Variants in HADHA observed in about 807,000 individuals in gnomAD.
HADHA encodes the protein trifunctional enzyme subunit alpha, mitochondrial.
A neutral mutation model predicts 91.3 loss-of-function variants in HADHA; 59 were observed. That is an observed-to-expected ratio of 0.65 (90% CI 0.52 to 0.80). The LOEUF (loss-of-function observed/expected upper bound fraction) is 0.80, where lower values mean the gene tolerates loss of function less well. HADHA is among the 30% of genes least tolerant of loss of function. HADHA has a pLI of 0.00. For missense variants in HADHA, 800 were observed against 927.6 expected (o/e 0.86, Z 1.79); for synonymous variants, 320 against 338.9 (o/e 0.94, Z 0.61).
At position 26,239,014 on chromosome 2, in the gene HADHA, A is replaced by C. The variant is rs372046774; in HGVS notation, c.110-10T>G. ...TTAATATGGGTTCTGGCTAAAAAGA[A>C]AAGAAAGATTTATTTGTAAACATAT... On this transcript the variant is annotated splice_polypyrimidine_tract_variant and intron_variant, in intron 2 of 19. Transcript: ENST00000380649. The C allele has an allele frequency of 6.9e-6, 11 of 1,600,318 alleles. No homozygotes were observed. The African/African-American group carries it at 1.5e-4, about 21-fold the overall frequency.
Position 26,240,956 on chromosome 2 carries a change from G to A in HADHA, c.68-1813C>T, listed in dbSNP as rs188312597. 1.1e-3 allele frequency among the ~76,000 whole-genome samples: 173 copies of A among 152,278 alleles called. 1 individual carries two copies. The highest frequency in any genetic ancestry group is 3.9e-3 in the African/African-American group (163 of 41,552). On this transcript the variant is annotated intron_variant, in intron 1 of 19. Coordinates refer to ENST00000380649, the MANE Select transcript of HADHA (RefSeq NM_000182.5). Reference sequence around the variant, plus strand: ...ACCAGTATATACATGAACATACTTCGAAAATAATTCCAAACCAGAGTCAAC... The same window carrying A: ...ACCAGTATATACATGAACATACTTCAAAAATAATTCCAAACCAGAGTCAAC...
rs543680661 is a variant in HADHA at position 26,195,197 on chromosome 2, C to T, written c.1515G>A (p.Lys505=). Reference sequence around the variant, plus strand: ...TCGTGATAATCTCCAGCAGCTGCATCTTGTCCACGGGAGAGAAGTAGTGCA... The same window carrying T: ...TCGTGATAATCTCCAGCAGCTGCATTTTGTCCACGGGAGAGAAGTAGTGCA... ...IGMHYFSPVD[K]MQLLEIITTE... Residue 505 remains lysine, a synonymous_variant, in exon 15 of 20, where the codon AAG becomes AAA. Transcript: ENST00000380649. 1.2e-5 allele frequency: 20 copies of T among 1,612,782 alleles called. No individual in the cohort carries two copies. In the African/African-American group the frequency reaches 1.5e-4, roughly 12 times the overall value.
chr2:26,204,493 A>G (rs1291367718), intron 11 of HADHA, among the ~76,000 whole-genome samples: 6 of 152,346 alleles, frequency 3.9e-5, no homozygotes, highest in East Asian at 3.9e-4. Flanking sequence ...TTAAGTCAAC[A>G]TGAGTATTTT....
Position 26,191,459 on chromosome 2 carries a change from T to G in HADHA, c.2146+24A>C, listed in dbSNP as rs368736585. 1.9e-6 allele frequency: 3 copies of G among 1,614,130 alleles called. No individual in the cohort carries two copies. The South Asian group carries it at 3.3e-5, about 18-fold the overall frequency. On this transcript the variant is annotated intron_variant, in intron 19 of 19. Coordinates refer to ENST00000380649, the MANE Select transcript of HADHA (RefSeq NM_000182.5). ...CACGGGCTCCAGGCTAAAGTGAGCT[T>G]CCTTCCCAACCTGCGAGACCAACCT... is the stretch of plus-strand genomic sequence containing the variant.
chr2:26,220,795 G>A (rs1466780655), intron 7 of HADHA, among the ~76,000 whole-genome samples: 2 of 152,156 alleles, frequency 1.3e-5, no homozygotes, highest in African/African-American at 4.8e-5. Flanking sequence ...TCATAATTTA[G>A]TCCACAGAGA....
At position 26,229,348 on chromosome 2, in the gene HADHA, G is replaced by GCACACACA. The variant is rs5830004; in HGVS notation, c.676+836_676+843dup. ...GTGAGACCCCAACATGTGTGCGCGCGCACACACACACACACACACACACAC... is the reference window on the plus strand; with the variant it reads ...GTGAGACCCCAACATGTGTGCGCGCGCACACACACACACACACACACACACACACACAC... On this transcript the variant is annotated intron_variant, in intron 7 of 19. Transcript: ENST00000380649. This position sits in a 1 kb window ranked among gnomAD's most constrained non-coding sequence, Gnocchi z 4.3. Among the ~76,000 whole-genome samples, 16,604 of 147,430 alleles carry GCACACACA rather than the reference G, an allele frequency of 0.11. 984 individuals are homozygous for GCACACACA. The highest frequency in any genetic ancestry group is 0.14 in the African/African-American group (5,423 of 39,604).
intron 3 of HADHA, among the ~76,000 whole-genome samples, chr2:26,237,549 C>T (rs1044597051): frequency 6.6e-6 from 1 of 152,072 alleles, no homozygotes; most frequent in Non-Finnish European, 1.5e-5. Context: ...ATCACCTGAG[C>T]CTGGGGAGGC....
intron 14 of HADHA, among the ~76,000 whole-genome samples, chr2:26,196,456 T>C (rs968862175): frequency 1.3e-5 from 2 of 152,212 alleles, no homozygotes; most frequent in Admixed American, 6.5e-5. Flanking sequence ...TCAATGAGTT[T>C]TGACAACTGT....
chr2:26,191,569 A>G lies in HADHA; in HGVS notation c.2060T>C (p.Met687Thr), dbSNP rs149632783. The G allele has an allele frequency of 9.0e-4, 1,452 of 1,613,976 alleles. 13 individuals carry two copies. The highest frequency in any genetic ancestry group is 2.7e-4 in the East Asian group (12 of 44,880). ...LVTRFVNEAVMCLQEGILATP... is the reference protein window; with the variant it reads ...LVTRFVNEAVTCLQEGILATP... ...GGCCAAGATCCCCTCTTGCAGGCAC[A>G]TGACTGCCTCATTCACAAATCTTGT... is the stretch of plus-strand genomic sequence containing the variant. Residue 687 changes from methionine to threonine, a missense_variant, in exon 19 of 20, where the codon ATG becomes ACG. Transcript: ENST00000380649.
At chr2:26,222,304 G>A (rs1670393476) in intron 7 of HADHA, among the ~76,000 whole-genome samples, 1 of 152,182 alleles carries the variant, frequency 6.6e-6, no homozygotes, top group Non-Finnish European at 1.5e-5. Flanking sequence ...CCAGAAATGC[G>A]AGAAAACATG....
chr2:26,227,497 G>A (rs897966191), intron 7 of HADHA, among the ~76,000 whole-genome samples: 9 of 133,646 alleles, frequency 6.7e-5, no homozygotes, highest in African/African-American at 2.7e-4. Flanking sequence ...GGGCAACAGA[G>A]CGAGACTTTG....
intron 5 of HADHA, among the ~76,000 whole-genome samples, chr2:26,233,045 G>A (rs1171573818): frequency 2.0e-5 from 3 of 152,138 alleles, no homozygotes; most frequent in South Asian, 4.1e-4. Flanking sequence ...AATGGAGTGC[G>A]CAACCTGGAT....
chr2:26,230,533 G>T (rs1285250966), intron 6 of HADHA, among the ~76,000 whole-genome samples: 3 of 152,024 alleles, frequency 2.0e-5, no homozygotes, highest in Non-Finnish European at 4.4e-5. Flanking sequence ...TCAATATATA[G>T]GATTCTTATA....
At chr2:26,232,752 T>C (rs1336051410) in intron 5 of HADHA, among the ~76,000 whole-genome samples, 1 of 152,216 alleles carries the variant, frequency 6.6e-6, no homozygotes, top group Non-Finnish European at 1.5e-5. Flanking sequence ...TATAGTCATG[T>C]GTCACATAAT....
intron 1 of HADHA, among the ~76,000 whole-genome samples, chr2:26,241,710 T>A (rs1038642215): frequency 6.6e-6 from 1 of 152,096 alleles, no homozygotes; most frequent in Non-Finnish European, 1.5e-5. Flanking sequence ...TATTTGCCTC[T>A]AAATTCATCT....
chr2:26,223,436 G>C (rs1452184354), intron 7 of HADHA, among the ~76,000 whole-genome samples: 1 of 152,138 alleles, frequency 6.6e-6, no homozygotes, highest in East Asian at 1.9e-4. Flanking sequence ...AGGAATGAAG[G>C]TCACCCCACC....
At chr2:26,232,747 T>C (rs1440819549) in intron 5 of HADHA, among the ~76,000 whole-genome samples, 1 of 152,200 alleles carries the variant, frequency 6.6e-6, no homozygotes, top group Middle Eastern at 3.2e-3. Context: ...ATTAATATAG[T>C]CATGTGTCAC....
rs565944171 is a variant in HADHA at position 26,225,243 on chromosome 2, G to T, written c.676+4949C>A. On this transcript the variant is annotated intron_variant, in intron 7 of 19. Coordinates refer to ENST00000380649, the MANE Select transcript of HADHA (RefSeq NM_000182.5). Reference sequence around the variant, plus strand: ...CTCACACCTGTAATCCCAGCACTTTGGGAGGCTGAGGCAGGTAGGTGGATC... The same window carrying T: ...CTCACACCTGTAATCCCAGCACTTTTGGAGGCTGAGGCAGGTAGGTGGATC... Among the ~76,000 whole-genome samples, 7 of 152,204 alleles carry T rather than the reference G, an allele frequency of 4.6e-5. 1 individual carries two copies. The South Asian group carries it at 1.2e-3, about 27-fold the overall frequency.
chr2:26,234,677 A>G (rs571310192), intron 4 of HADHA, among the ~76,000 whole-genome samples: 36 of 151,838 alleles, frequency 2.4e-4, no homozygotes, highest in African/African-American at 8.4e-4. Flanking sequence ...GAGGCAGGAG[A>G]ACAGTGTGAA....
Sources: allele counts gnomAD v4.1 joint callset (sites outside exome capture counted in the v4.1 genomes callset), GRCh38; gene constraint gnomAD v4.1.1; non-coding constraint Gnocchi (gnomAD v3.1); transcripts MANE v1.5; gene names NCBI Gene and HGNC (gene_info 2026-07-23, HGNC 2026-07-21).